The following KCNJ5 variants were observed in gnomAD, a reference collection of about 807,000 sequenced individuals.
The protein encoded by KCNJ5 is G protein-activated inward rectifier potassium channel 4.
A neutral mutation model predicts 20.2 loss-of-function variants in KCNJ5; 12 were observed. The observed-to-expected ratio is 0.59, with a 90% CI of 0.38 to 0.96. The LOEUF (loss-of-function observed/expected upper bound fraction) is 0.96. Among genes scored for constraint, KCNJ5 ranks in the 40% least tolerant of loss-of-function variants. The probability of loss-of-function intolerance (pLI) is 0.00; values close to 1 mark genes in which losing one functional copy is unlikely to be tolerated. For synonymous variants in KCNJ5, 210 were observed against 213.9 expected, an observed-to-expected ratio of 0.98 and a Z score of 0.16; for missense variants, 449 against 557.6, an observed-to-expected ratio of 0.81 and a Z score of 1.96.
chr11:128,909,545 A>G (rs1039556352), intron 1 of KCNJ5, among the ~76,000 whole-genome samples: 1 of 152,228 alleles, frequency 6.6e-6, no homozygotes, highest in African/African-American at 2.4e-5. Flanking sequence ...TATTTGGCCC[A>G]AGGTTGGGCT....
chr11:128,916,376 G>GC, intron 2 of KCNJ5, 33 bp from the exon 3 acceptor site: 2 of 1,475,756 alleles, frequency 1.4e-6, no homozygotes, highest in Non-Finnish European at 1.9e-6. Flanking sequence ...ATGGATGATT[G>GC]CATCATAATG....
At chr11:128,898,966 C>T (rs575051355) in intron 1 of KCNJ5, among the ~76,000 whole-genome samples, 3 of 152,256 alleles carry the variant, frequency 2.0e-5, no homozygotes, top group Non-Finnish European at 4.4e-5. Flanking sequence ...AGGCGTGAGC[C>T]GCCGTGCCTG....
intron 1 of KCNJ5, among the ~76,000 whole-genome samples, chr11:128,909,517 G>A (rs1182396982): frequency 6.6e-6 from 1 of 152,236 alleles, no homozygotes; most frequent in Non-Finnish European, 1.5e-5. Flanking sequence ...CTGCGGCAAG[G>A]GCTCTGGGTT....
chr11:128,899,861 G>C (rs1326944675), intron 1 of KCNJ5: 2 of 152,198 alleles, frequency 1.3e-5, no homozygotes, highest in African/African-American at 4.8e-5. Flanking sequence ...TAAAGGGAAG[G>C]GGTGTAAGGA....
At chr11:128,916,331 T>TGGA (rs1944582193) in intron 2 of KCNJ5, 78 bp from the exon 3 acceptor site, 12 of 1,088,876 alleles carry the variant, frequency 1.1e-5, no homozygotes, top group Middle Eastern at 2.0e-4. Context: ...GATGGATGGA[T>TGGA]TGATGGATGA....
At chr11:128,913,996 G>A (rs1050520958) in intron 2 of KCNJ5, among the ~76,000 whole-genome samples, 2 of 152,170 alleles carry the variant, frequency 1.3e-5, no homozygotes, top group African/African-American at 4.8e-5. Flanking sequence ...TGCCAGAGGT[G>A]GCTGCTCGGC....
intron 2 of KCNJ5, among the ~76,000 whole-genome samples, chr11:128,914,735 C>T (rs1248965933): frequency 1.3e-5 from 2 of 152,202 alleles, no homozygotes; most frequent in Non-Finnish European, 2.9e-5. Flanking sequence ...CTGGGGAATC[C>T]TTTCCAAACG....
At chr11:128,916,272 G>A (rs1591453759) in intron 2 of KCNJ5, 137 bp from the exon 3 acceptor site, 1 of 711,028 alleles carries the variant, frequency 1.4e-6, no homozygotes. Flanking sequence ...ATGGATGGAT[G>A]GATGGATGAA....
Position 128,912,212 on chromosome 11 carries a change from TA to T in KCNJ5, c.937+4del, listed in dbSNP as rs775262536. ...TAGAAGGGATGGTGGAAGCCACAGG[TA>T]AGGCGCTTTGTCCTCCTCAGCCACA... On this transcript the variant is annotated splice_donor_region_variant and intron_variant, in intron 2 of 2. Coordinates refer to ENST00000529694, the MANE Select transcript of KCNJ5 (RefSeq NM_000890.5). 4 of 1,599,592 alleles carry T rather than the reference TA, an allele frequency of 2.5e-6. No individual in the cohort carries two copies. In the African/African-American group the frequency reaches 5.3e-5, roughly 21 times the overall value.
chr11:128,898,960 G>A (rs139294046), intron 1 of KCNJ5, among the ~76,000 whole-genome samples: 4 of 152,200 alleles, frequency 2.6e-5, no homozygotes, highest in Non-Finnish European at 5.9e-5. Context: ...GATTACAGGC[G>A]TGAGCCGCCG....
At chr11:128,903,192 C>T (rs755668276) in intron 1 of KCNJ5, among the ~76,000 whole-genome samples, 4 of 152,056 alleles carry the variant, frequency 2.6e-5, no homozygotes, top group African/African-American at 4.8e-5. Context: ...ATGTGCTTTT[C>T]CTAAAATAAA....
At chr11:128,894,877 T>C (rs11221499) in intron 1 of KCNJ5, among the ~76,000 whole-genome samples, 10,334 of 152,262 alleles carry the variant, frequency 0.068, 728 homozygotes, top group East Asian at 0.23. Context: ...CCAAGAGCCG[T>C]GCTAAGTTAA....
intron 1 of KCNJ5, among the ~76,000 whole-genome samples, chr11:128,910,494 C>T (rs7946367): frequency 5.3e-5 from 8 of 152,268 alleles, no homozygotes; most frequent in Non-Finnish European, 1.0e-4. Context: ...CTTTTCCTTT[C>T]TGTCTGCTGC....
At chr11:128,907,126 G>T (rs370168532) in intron 1 of KCNJ5, among the ~76,000 whole-genome samples, 3 of 152,068 alleles carry the variant, frequency 2.0e-5, no homozygotes, top group African/African-American at 7.2e-5. Context: ...ACATAAGCAC[G>T]CCCTCCTCCA....
rs752248767 is a variant in KCNJ5 at position 128,902,734 on chromosome 11, G to A, written c.-10-8530G>A. 4 of 1,581,568 alleles carry A rather than the reference G, an allele frequency of 2.5e-6. No homozygotes were observed. The South Asian group carries it at 3.5e-5, about 14-fold the overall frequency. ...CAGACCTGTTGGTGCAAACAGGGAG[G>A]CTGTGAGAGGAATTCAGTGGCACTA... On this transcript the variant is annotated intron_variant, in intron 1 of 2. Coordinates refer to ENST00000529694, the MANE Select transcript of KCNJ5 (RefSeq NM_000890.5).
chr11:128,905,131 C>G (rs187504097), intron 1 of KCNJ5, among the ~76,000 whole-genome samples: 1 of 152,242 alleles, frequency 6.6e-6, no homozygotes, highest in Non-Finnish European at 1.5e-5. Flanking sequence ...TGGCTGGGGC[C>G]GCTGGCCCGC....
intron 1 of KCNJ5, among the ~76,000 whole-genome samples, chr11:128,903,005 A>T (rs762803183): frequency 4.6e-5 from 7 of 152,160 alleles, no homozygotes; most frequent in Non-Finnish European, 8.8e-5. Flanking sequence ...GAAAAAGCAA[A>T]GGGAGGATCT....
At chr11:128,898,621 T>C (rs1591438849) in intron 1 of KCNJ5, among the ~76,000 whole-genome samples, 1 of 152,258 alleles carries the variant, frequency 6.6e-6, no homozygotes, top group African/African-American at 2.4e-5. Flanking sequence ...CTTTCCTTTT[T>C]GTCCTTTGCT....
intron 1 of KCNJ5, chr11:128,902,374 G>T: frequency 1.4e-6 from 1 of 717,276 alleles, no homozygotes; most frequent in Non-Finnish European, 2.3e-6. Flanking sequence ...TTTTACTGTT[G>T]GTGAACTGGA....
Sources: allele counts gnomAD v4.1 joint callset (sites outside exome capture counted in the v4.1 genomes callset), GRCh38; gene constraint gnomAD v4.1.1; transcripts MANE v1.5; gene names NCBI Gene and HGNC (gene_info 2026-07-23, HGNC 2026-07-21).